Variants in SEMA3A observed in about 807,000 individuals in gnomAD.
SEMA3A encodes the protein semaphorin 3A.
In SEMA3A, 29 loss-of-function variants were observed where a neutral mutation model predicts 97.9. That is an observed-to-expected ratio of 0.30 (90% confidence interval 0.22 to 0.40). The LOEUF (loss-of-function observed/expected upper bound fraction) is 0.40, where lower values mean the gene tolerates loss of function less well. Among genes scored for constraint, SEMA3A ranks in the 10% least tolerant of loss-of-function variants. The pLI, the probability that SEMA3A is intolerant of heterozygous loss-of-function variation, is 1.00. For synonymous variants in SEMA3A, 321 were observed against 323.7 expected (o/e 0.99, Z 0.09); for missense variants, 763 against 951.3 (o/e 0.80, Z 2.60).
rs1267629440 is a variant in SEMA3A, at chr7:84,424,492, A to ATAATATATAATATATAAATAT, written c.-245-52613_-245-52593dup. On this transcript the variant is annotated intron_variant, in intron 1 of 3. Coordinates refer to the SEMA3A transcript ENST00000424555. Reference sequence around the variant, plus strand: ...TATACAATATATAATATATTGATATATAATATATAATATATAAATATTAAT... The same window carrying ATAATATATAATATATAAATAT: ...TATACAATATATAATATATTGATATATAATATATAATATATAAATATTAATATATAATATATAAATATTAAT... Among the ~76,000 whole-genome samples, 40 of 103,978 alleles carry ATAATATATAATATATAAATAT rather than the reference A, an allele frequency of 3.8e-4. 1 individual carries two copies. Among genetic ancestry groups the ATAATATATAATATATAAATAT allele is most frequent in the Non-Finnish European group, 6.0e-4 (34 of 56,430 alleles). The allele number at this position is 103,978 out of a possible 152,430, so 68.2% of individuals were successfully genotyped here.
chr7:83,973,171 G>C (rs1788987626), intron 15 of SEMA3A, among the ~76,000 whole-genome samples: 1 of 152,108 alleles, frequency 6.6e-6, no homozygotes, highest in Admixed American at 6.5e-5. Flanking sequence ...CTGTTCGTGT[G>C]AATTCGGAAA....
intron 1 of SEMA3A, among the ~76,000 whole-genome samples, chr7:84,404,282 G>T (rs1020666337): frequency 2.2e-4 from 33 of 152,156 alleles, no homozygotes; most frequent in Non-Finnish European, 2.9e-4. Flanking sequence ...TCAACTGGAA[G>T]AAAGGGTATC....
At chr7:84,110,389 T>C in intron 4 of SEMA3A, 81 bp downstream of exon 4, 3 of 1,521,542 alleles carry the variant, frequency 2.0e-6, no homozygotes, top group African/African-American at 1.4e-5. Flanking sequence ...ACAAGCAAAA[T>C]AAACTGAAGA....
intron 2 of SEMA3A, among the ~76,000 whole-genome samples, chr7:84,319,917 C>T (rs547851608): frequency 6.6e-6 from 1 of 152,104 alleles, no homozygotes; most frequent in African/African-American, 2.4e-5. Flanking sequence ...TTTTATATTA[C>T]GCATTTAAAA....
intron 3 of SEMA3A, among the ~76,000 whole-genome samples, chr7:84,305,355 T>C (rs1801128961): frequency 6.6e-6 from 1 of 151,942 alleles, no homozygotes; most frequent in East Asian, 1.9e-4. Context: ...TATATGTGTG[T>C]TACCCAAAAC....
At chr7:84,195,845 A>C (rs1202713565), upstream of SEMA3A, among the ~76,000 whole-genome samples, 2 of 152,182 alleles carry the variant, frequency 1.3e-5, no homozygotes, top group Non-Finnish European at 2.9e-5. Context: ...GAGTAACATG[A>C]AAAGAATATC....
intron 3 of SEMA3A, among the ~76,000 whole-genome samples, chr7:84,128,089 C>T (rs1052126861): frequency 2.6e-5 from 4 of 152,084 alleles, no homozygotes; most frequent in African/African-American, 9.7e-5. Context: ...ACTTAATTTT[C>T]CTGACAGTTT....
chr7:84,272,030 T>A (rs950623083), intron 3 of SEMA3A, among the ~76,000 whole-genome samples: 2 of 152,084 alleles, frequency 1.3e-5, no homozygotes, highest in Non-Finnish European at 2.9e-5. Context: ...AGATACTATG[T>A]GTGTACTGCT....
At chr7:84,092,766 C>T (rs1794639362) in intron 4 of SEMA3A, among the ~76,000 whole-genome samples, 1 of 152,022 alleles carries the variant, frequency 6.6e-6, no homozygotes, top group African/African-American at 2.4e-5. Context: ...CTCCTTCTTC[C>T]CTCCTTTAAT....
intron 2 of SEMA3A, 58 bp from the exon 3 acceptor site, chr7:84,129,243 A>C: frequency 7.4e-7 from 1 of 1,342,738 alleles, no homozygotes; most frequent in Non-Finnish European, 1.1e-6. Flanking sequence ...GAGATCCAAC[A>C]CCATATAGTC....
intron 6 of SEMA3A, among the ~76,000 whole-genome samples, chr7:84,030,104 A>G (rs984197572): frequency 1.1e-4 from 17 of 152,258 alleles, no homozygotes; most frequent in Admixed American, 1.1e-3. Context: ...CTACAATGCA[A>G]TTAAAAATAA....
intron 2 of SEMA3A, among the ~76,000 whole-genome samples, chr7:84,309,603 T>C (rs592778): frequency 0.7 from 106,942 of 152,024 alleles, 37,807 homozygotes; most frequent in East Asian, 0.79. Context: ...TTGACCCTAA[T>C]CAGCATTGGT....
intron 6 of SEMA3A, among the ~76,000 whole-genome samples, chr7:84,025,026 G>A (rs1413262736): frequency 6.6e-6 from 1 of 152,124 alleles, no homozygotes; most frequent in Non-Finnish European, 1.5e-5. Flanking sequence ...GGCGGAGGTT[G>A]CAGTGAGCCG....
At chr7:84,094,495 A>G (rs932029867) in intron 4 of SEMA3A, among the ~76,000 whole-genome samples, 1 of 152,112 alleles carries the variant, frequency 6.6e-6, no homozygotes, top group African/African-American at 2.4e-5. Context: ...ATCTACTTGT[A>G]TTCTAGAGCA....
At chr7:83,990,676 A>G (rs1441318403) in intron 12 of SEMA3A, among the ~76,000 whole-genome samples, 3 of 135,626 alleles carry the variant, frequency 2.2e-5, no homozygotes, top group South Asian at 2.6e-4. Flanking sequence ...CCATTGATCT[A>G]TATCTGTGTT....
chr7:84,460,008 T>C (rs1007709957), intron 1 of SEMA3A, among the ~76,000 whole-genome samples: 15 of 152,056 alleles, frequency 9.9e-5, no homozygotes, highest in African/African-American at 3.6e-4. Flanking sequence ...GCGGAGGAGA[T>C]ACAGTGAGAT....
At chr7:84,345,339 T>G (rs1276680641) in intron 2 of SEMA3A, among the ~76,000 whole-genome samples, 1 of 152,190 alleles carries the variant, frequency 6.6e-6, no homozygotes. Context: ...GCTGACTCAT[T>G]AAGGTGGTGG....
At position 84,242,759 on chromosome 7, in the gene SEMA3A, T is replaced by C. The variant is rs147514228; in HGVS notation, c.-82-48091A>G. On this transcript the variant is annotated intron_variant, in intron 3 of 3. Coordinates refer to the SEMA3A transcript ENST00000424555. ...CAGCTTTTGCCCATTCAGAATGATATGGGCTGTGGGTTTGTCATAAATAGC... is the reference window on the plus strand; with the variant it reads ...CAGCTTTTGCCCATTCAGAATGATACGGGCTGTGGGTTTGTCATAAATAGC... Among the ~76,000 whole-genome samples the C allele has an allele frequency of 4.1e-3, 623 of 152,292 alleles. 6 individuals are homozygous for C. In the East Asian group the frequency reaches 0.048, roughly 12 times the overall value.
chr7:84,491,037 A>C (rs542058144), intron 1 of SEMA3A, among the ~76,000 whole-genome samples: 1 of 152,314 alleles, frequency 6.6e-6, no homozygotes, highest in African/African-American at 2.4e-5. Context: ...ATTCTTAAAG[A>C]AATATATTTA....
Sources: allele counts gnomAD v4.1 joint callset (sites outside exome capture counted in the v4.1 genomes callset), GRCh38; gene constraint gnomAD v4.1.1; transcripts MANE v1.5; gene names NCBI Gene and HGNC (gene_info 2026-07-23, HGNC 2026-07-21).